Variants in SLC2A2 observed in about 807,000 individuals in gnomAD.
SLC2A2 encodes solute carrier family 2, facilitated glucose transporter member 2.
A neutral mutation model predicts 54.5 loss-of-function variants in SLC2A2; 36 were observed. That is an observed-to-expected ratio of 0.66 (90% confidence interval 0.51 to 0.87). The LOEUF (loss-of-function observed/expected upper bound fraction) is 0.87. SLC2A2 is among the 40% of genes least tolerant of loss of function. SLC2A2 has a pLI of 0.00. For synonymous variants in SLC2A2, 223 were observed against 219.1 expected (o/e 1.02, Z -0.16); for missense variants, 543 against 624.3 (o/e 0.87, Z 1.39).
intron 1 of SLC2A2, among the ~76,000 whole-genome samples, chr3:171,023,423 C>T (rs1716551249): frequency 6.6e-6 from 1 of 152,178 alleles, no homozygotes; most frequent in African/African-American, 2.4e-5. Flanking sequence ...TTTTCTTTCT[C>T]CAATGTTGTG....
chr3:171,025,591 A>G (rs1309558391), intron 1 of SLC2A2, among the ~76,000 whole-genome samples: 1 of 152,126 alleles, frequency 6.6e-6, no homozygotes, highest in Non-Finnish European at 1.5e-5. Flanking sequence ...AAATAACTTA[A>G]CCCAGGCCTC....
chr3:171,025,976 TTG>T (rs757424436), intron 1 of SLC2A2, among the ~76,000 whole-genome samples: 2 of 151,970 alleles, frequency 1.3e-5, no homozygotes, highest in African/African-American at 2.4e-5. Context: ...TCTGTAGTGT[TTG>T]TGTGTGTGTG....
rs751300217 is a variant in SLC2A2, at chr3:171,026,605, CCTAA to C, written c.15+47_15+50del. 3.3e-5 allele frequency: 50 copies of C among 1,527,088 alleles called. No individual in the cohort carries two copies. The East Asian group carries it at 3.4e-4, about 10-fold the overall frequency. The allele number at this position is 1,527,088 out of a possible 1,614,324, so 94.6% of individuals were successfully genotyped here. Reference sequence around the variant, plus strand: ...CCTCTGTATGACTTGACTGTATTCCCCTAACTATCTCCTGAAAACCAGACTTGAA... The same window carrying C: ...CCTCTGTATGACTTGACTGTATTCCCCTATCTCCTGAAAACCAGACTTGAA... On this transcript the variant is annotated intron_variant, in intron 1 of 10. Transcript: ENST00000314251.
rs1317578526 is a variant in SLC2A2 at position 170,997,756 on chromosome 3, G to C, written c.*147C>G. On this transcript the variant is annotated 3_prime_UTR_variant, in exon 11 of 11. Transcript: ENST00000314251. Reference sequence around the variant, plus strand: ...CTCTAACTTAAAAAAATACTTTTTTGGTAATATTTGATGACATTTCTGATG... The same window carrying C: ...CTCTAACTTAAAAAAATACTTTTTTCGTAATATTTGATGACATTTCTGATG... The C allele has an allele frequency of 2.8e-6, 2 of 704,000 alleles. No individual in the cohort carries two copies. Among genetic ancestry groups the C allele is most frequent in the Non-Finnish European group, 4.8e-6 (2 of 414,386 alleles). The allele number at this position is 704,000 out of a possible 1,614,324, so 43.6% of individuals were successfully genotyped here.
intron 1 of SLC2A2, among the ~76,000 whole-genome samples, chr3:171,021,502 T>C (rs1209361149): frequency 6.6e-6 from 1 of 152,206 alleles, no homozygotes; most frequent in Non-Finnish European, 1.5e-5. Context: ...TATCTTAAAG[T>C]ATAGCCAAGC....
In SLC2A2 at chr3:170,999,055, C is replaced by T. The variant is rs767186674; in HGVS notation, c.1170+10G>A. ...TTAATGAAAAACCTCAGTGCAGGCACCAAACTTACCAGCAGCACAAGTCCC... is the reference window on the plus strand; with the variant it reads ...TTAATGAAAAACCTCAGTGCAGGCATCAAACTTACCAGCAGCACAAGTCCC... On this transcript the variant is annotated intron_variant, in intron 9 of 10. Transcript: ENST00000314251. 2 of 1,587,024 alleles carry T rather than the reference C, an allele frequency of 1.3e-6. No individual in the cohort carries two copies. The highest frequency in any genetic ancestry group is 1.1e-5 in the South Asian group (1 of 90,634).
At chr3:171,022,800 G>A (rs1716520373) in intron 1 of SLC2A2, among the ~76,000 whole-genome samples, 1 of 152,100 alleles carries the variant, frequency 6.6e-6, no homozygotes, top group Non-Finnish European at 1.5e-5. Context: ...TTGAAGTTGG[G>A]GTGATAGCGA....
intron 7 of SLC2A2, among the ~76,000 whole-genome samples, chr3:171,003,301 A>G (rs1715423736): frequency 6.6e-6 from 1 of 151,960 alleles, no homozygotes; most frequent in African/African-American, 2.4e-5. Flanking sequence ...TTATATTAAT[A>G]TACCACGATT....
rs1430684701 is a variant in SLC2A2, at chr3:170,999,126, A to G, written c.1109T>C (p.Leu370Pro). 2 of 1,612,876 alleles carry G rather than the reference A, an allele frequency of 1.2e-6. No homozygotes were observed. The highest frequency in any genetic ancestry group is 1.7e-6 in the Non-Finnish European group (2 of 1,179,056). The change falls in exon 9 of 11, where the codon CTA becomes CCA. Residue 370 changes from leucine (L) to proline (P), a missense_variant. Leu to Pro is a moderately conservative substitution (Grantham distance 98). Coordinates refer to ENST00000314251, the MANE Select transcript of SLC2A2 (RefSeq NM_000340.2). ...AACAAACATCCCACTCATTCCAATT[A>G]GAAAGAGAGAACGTCGCCCTGCCTT... ...VEKAGRRSLFLIGMSGMFVCA... is the reference protein window; with the variant it reads ...VEKAGRRSLFPIGMSGMFVCA...
intron 2 of SLC2A2, among the ~76,000 whole-genome samples, chr3:171,017,082 C>T (rs977621585): frequency 6.6e-6 from 1 of 151,958 alleles, no homozygotes; most frequent in Non-Finnish European, 1.5e-5. Context: ...GAACTCCCGA[C>T]CTCAGGTGAT....
Position 170,998,346 on chromosome 3 carries a change from A to G in SLC2A2, c.1221T>C (p.Phe407=), listed in dbSNP as rs775605288. ...SYVSMIAIFL[F]VSFFEIGPGP... is the part of the protein sequence containing the mutation. ...CTGGCCCAATTTCAAAGAAGCTGACAAAGAGGAAGATGGCTATCATGCTCA... is the reference window on the plus strand; with the variant it reads ...CTGGCCCAATTTCAAAGAAGCTGACGAAGAGGAAGATGGCTATCATGCTCA... Residue 407 remains phenylalanine (F), a synonymous_variant, in exon 10 of 11, where the codon TTT becomes TTC. Coordinates refer to ENST00000314251, the MANE Select transcript of SLC2A2 (RefSeq NM_000340.2). The G allele has an allele frequency of 1.2e-6, 2 of 1,613,736 alleles. No homozygotes were observed. Among genetic ancestry groups the G allele is most frequent in the Non-Finnish European group, 1.7e-6 (2 of 1,179,772 alleles).
rs12330351 is a variant in SLC2A2, at chr3:170,997,006, C to A, written c.*897G>T. 751 of 193,650 alleles carry A rather than the reference C, an allele frequency of 3.9e-3. 4 individuals carry two copies. The highest frequency in any genetic ancestry group is 0.017 in the African/African-American group (723 of 43,126). 12.0% of individuals were successfully genotyped at this position (193,650 alleles called of 1,614,324 possible). On this transcript the variant is annotated 3_prime_UTR_variant, in exon 11 of 11. Transcript: ENST00000314251. The stretch of plus-strand genomic sequence containing the variant: ...TTTTCTTACATTAGATTTGATCAAA[C>A]TTATTAGGAATTTGAGGTAATATAC...
chr3:171,014,293 C>G (rs981415166), intron 3 of SLC2A2, among the ~76,000 whole-genome samples, 176 bp downstream of exon 3: 6 of 152,132 alleles, frequency 3.9e-5, no homozygotes, highest in African/African-American at 1.4e-4. Context: ...ACCAAACTGT[C>G]GCAACAGCTT....
chr3:171,003,939 G>A (rs865837008), intron 7 of SLC2A2, among the ~76,000 whole-genome samples: 1 of 152,060 alleles, frequency 6.6e-6, no homozygotes, highest in Non-Finnish European at 1.5e-5. Flanking sequence ...ACTAGTCTCA[G>A]TAGACATGGA....
chr3:171,024,996 C>T (rs1716622876), intron 1 of SLC2A2, among the ~76,000 whole-genome samples: 1 of 152,192 alleles, frequency 6.6e-6, no homozygotes, highest in Non-Finnish European at 1.5e-5. Context: ...ATGTGCCAGA[C>T]ACTATGTTAA....
At chr3:171,007,055 G>A (rs1715644890) in intron 5 of SLC2A2, 93 bp downstream of exon 5, 2 of 777,050 alleles carry the variant, frequency 2.6e-6, no homozygotes, top group Non-Finnish European at 4.6e-6. Context: ...GGATGAAGTG[G>A]AGGAAGTACA....
At chr3:171,021,968 C>A (rs149225439) in intron 1 of SLC2A2, among the ~76,000 whole-genome samples, 1 of 152,152 alleles carries the variant, frequency 6.6e-6, no homozygotes, top group African/African-American at 2.4e-5. Context: ...TTAGATTTGA[C>A]CCATCAGGGT....
In SLC2A2 at chr3:171,014,467, A is replaced by G; in HGVS notation, c.371+2T>C. 6.2e-7 allele frequency: 1 copy of G among 1,614,100 alleles called. No homozygotes were observed. ...TTATGCTTATTTATGAAATTTGCCTACCTTCCAAGTGTGTCCCCAAGCCAC... is the reference window on the plus strand; with the variant it reads ...TTATGCTTATTTATGAAATTTGCCTGCCTTCCAAGTGTGTCCCCAAGCCAC... On this transcript the variant is annotated splice_donor_variant, in intron 3 of 10. Coordinates refer to ENST00000314251, the MANE Select transcript of SLC2A2 (RefSeq NM_000340.2). LOFTEE classifies it high-confidence loss of function.
Position 170,998,068 on chromosome 3 carries a change from A to G in SLC2A2, c.1410T>C (p.Ala470=). The G allele has an allele frequency of 6.2e-7, 1 of 1,613,692 alleles. No individual in the cohort carries two copies. The highest frequency in any genetic ancestry group is 1.7e-5 in the Admixed American group (1 of 59,876). Reference sequence around the variant, plus strand: ...ACAGGGTAAAGGCCAGGAGCACTCCAGCAAAGAGGAAAAACACATAAGGTC... The same window carrying G: ...ACAGGGTAAAGGCCAGGAGCACTCCGGCAAAGAGGAAAAACACATAAGGTC... ...FCGPYVFFLF[A]GVLLAFTLFT... Residue 470 remains alanine, a synonymous_variant, in exon 11 of 11, where the codon GCT becomes GCC. Coordinates refer to ENST00000314251, the MANE Select transcript of SLC2A2 (RefSeq NM_000340.2).
Sources: gnomAD v4.1 joint callset for allele counts (sites outside exome capture counted in the v4.1 genomes callset) on GRCh38, gnomAD v4.1.1 for gene constraint, MANE v1.5 for transcripts, NCBI Gene and HGNC (gene_info 2026-07-23, HGNC 2026-07-21) for gene names.